Variants in FSTL1 observed in about 807,000 individuals in gnomAD.
The protein encoded by FSTL1 is follistatin-related protein 1.
Under a neutral mutation model 45.9 loss-of-function variants are expected in FSTL1, and 24 were observed. That is an observed-to-expected ratio of 0.52 (90% confidence interval 0.38 to 0.74). FSTL1 has a LOEUF of 0.74. FSTL1 is among the 30% of genes least tolerant of loss of function. The pLI is 0.00. For synonymous variants in FSTL1, 120 were observed against 137.6 expected (o/e 0.87, Z 0.89); for missense variants, 340 against 381.8 (o/e 0.89, Z 0.91).
intron 3 of FSTL1, among the ~76,000 whole-genome samples, chr3:120,412,834 G>GCGCGCA (rs1553702981): frequency 2.2e-4 from 17 of 77,514 alleles, no homozygotes; most frequent in Admixed American, 8.1e-4. Context: ...GCGCGCGCGC[G>GCGCGCA]CGCGCACACA....
chr3:120,429,690 C>T (rs1937443807), intron 2 of FSTL1, among the ~76,000 whole-genome samples: 1 of 152,196 alleles, frequency 6.6e-6, no homozygotes, highest in South Asian at 2.1e-4. Flanking sequence ...TGGGCATGAA[C>T]TGCCTTTTGT....
At chr3:120,397,499 C>T (rs1487983989) in intron 10 of FSTL1, among the ~76,000 whole-genome samples, 2 of 152,130 alleles carry the variant, frequency 1.3e-5, no homozygotes, top group South Asian at 2.1e-4. Flanking sequence ...GTGCCTGGCA[C>T]AAAATGGCCA....
rs773242568 is a variant in FSTL1, at chr3:120,444,961, TATGTAGTC to T, written c.63+5715_63+5722del. Among the ~76,000 whole-genome samples the T allele has an allele frequency of 6.9e-4, 104 of 150,066 alleles. No individual in the cohort carries two copies. The Middle Eastern group carries it at 0.014, about 20-fold the overall frequency. ...ATTTAACCCTTCTCCTACGGTTGAC[TATGTAGTC>T]AATGTTAAGTTTTTTGCTGTCATAA... On this transcript the variant is annotated intron_variant, in intron 2 of 10. Transcript: ENST00000295633.
At chr3:120,442,798 A>AG (rs1375365747) in intron 2 of FSTL1, among the ~76,000 whole-genome samples, 1 of 136,586 alleles carries the variant, frequency 7.3e-6, no homozygotes, top group Non-Finnish European at 1.5e-5. Flanking sequence ...GAAAAAAAAA[A>AG]AAAAAAAAAA....
chr3:120,403,920 C>CAAAAAA (rs34145564), intron 7 of FSTL1, among the ~76,000 whole-genome samples: 346 of 51,636 alleles, frequency 6.7e-3, no homozygotes, highest in Non-Finnish European at 9.0e-3. Context: ...GACTCCGTCT[C>CAAAAAA]AAAAAAAAAA....
intron 2 of FSTL1, among the ~76,000 whole-genome samples, chr3:120,446,286 G>A (rs998107868): frequency 1.6e-4 from 24 of 152,100 alleles, no homozygotes; most frequent in African/African-American, 5.3e-4. Flanking sequence ...ATTTCCTCTC[G>A]GATCATTACA....
At position 120,397,006 on chromosome 3, in the gene FSTL1, G is replaced by A; in HGVS notation, c.883-10C>T. The A allele has an allele frequency of 1.2e-6, 2 of 1,604,876 alleles. No homozygotes were observed. The highest frequency in any genetic ancestry group is 2.2e-5 in the East Asian group (1 of 44,846). On this transcript the variant is annotated splice_polypyrimidine_tract_variant and intron_variant, in intron 10 of 10. Coordinates refer to ENST00000295633, the MANE Select transcript of FSTL1 (RefSeq NM_007085.5). ...TCTTTTCAGCTGTTTCCTTTGAGATGCAAGAGAAAATAGGCGTCATGGAAA... is the reference window on the plus strand; with the variant it reads ...TCTTTTCAGCTGTTTCCTTTGAGATACAAGAGAAAATAGGCGTCATGGAAA...
At position 120,394,335 on chromosome 3, in the gene FSTL1, A is replaced by G. The variant is rs1936653361; in HGVS notation, c.*2617T>C. 6.6e-6 allele frequency: 1 copy of G among 152,248 alleles called. No homozygotes were observed. The highest frequency in any genetic ancestry group is 6.5e-5 in the Admixed American group (1 of 15,280). 9.4% of individuals were successfully genotyped at this position (152,248 alleles called of 1,614,324 possible). A position where few individuals can be genotyped will look rare whatever the true frequency, so the allele number is the denominator to read the frequency against. The stretch of plus-strand genomic sequence containing the variant: ...CCGAAAAGGAAGAATCAGGAGTTAC[A>G]AAAACAAGTTAAATGCAATATAGAA... On this transcript the variant is annotated 3_prime_UTR_variant, in exon 11 of 11. Transcript: ENST00000295633.
At chr3:120,412,078 T>C in intron 3 of FSTL1, 95 bp from the exon 4 acceptor site, 2 of 1,098,892 alleles carry the variant, frequency 1.8e-6, no homozygotes, top group Non-Finnish European at 2.7e-6. Context: ...CACAGAGCCA[T>C]TTTGTAAGGG....
intron 2 of FSTL1, among the ~76,000 whole-genome samples, chr3:120,421,907 T>C (rs1477094995): frequency 1.3e-5 from 2 of 152,174 alleles, no homozygotes; most frequent in Non-Finnish European, 2.9e-5. Context: ...TAAATGCAAA[T>C]TGGGTAAATG....
chr3:120,443,104 T>TA (rs200174345), intron 2 of FSTL1, among the ~76,000 whole-genome samples: 2,202 of 144,174 alleles, frequency 0.015, 139 homozygotes, highest in South Asian at 0.068. Context: ...AATAATAAAT[T>TA]AAAAAAAAAA....
rs1177702212 is a variant in FSTL1, at chr3:120,411,923, A to G, written c.229T>C (p.Cys77Arg). Reference sequence around the variant, plus strand: ...AGGCAGGCATCTCGATGCAGTTCACAGTGGTTGAGGTAGGTCTTGCCATTA... The same window carrying G: ...AGGCAGGCATCTCGATGCAGTTCACGGTGGTTGAGGTAGGTCTTGCCATTA... ...GSNGKTYLNH[C>R]ELHRDACLTG... The change falls in exon 4 of 11, where the codon TGT becomes CGT. Residue 77 changes from cysteine to arginine, a missense_variant. Coordinates refer to ENST00000295633, the MANE Select transcript of FSTL1 (RefSeq NM_007085.5). 2 of 1,613,458 alleles carry G rather than the reference A, an allele frequency of 1.2e-6. No homozygotes were observed. Among genetic ancestry groups the G allele is most frequent in the South Asian group, 1.1e-5 (1 of 91,070 alleles).
rs376206097 is a variant in FSTL1 at position 120,415,526 on chromosome 3, T to C, written c.168+397A>G. On this transcript the variant is annotated intron_variant, in intron 3 of 10. Coordinates refer to ENST00000295633, the MANE Select transcript of FSTL1 (RefSeq NM_007085.5). ...ATAGGGGGAACCATTATGTCTACAG[T>C]AGCATATAAACCCTATGCTTATAGT... Among the ~76,000 whole-genome samples the C allele has an allele frequency of 2.7e-3, 412 of 152,274 alleles. 1 individual carries two copies. The highest frequency in any genetic ancestry group is 9.6e-3 in the African/African-American group (400 of 41,540).
rs751186231 is a variant in FSTL1, at chr3:120,399,961, T to A, written c.806-2A>T. On this transcript the variant is annotated splice_acceptor_variant, in intron 9 of 10. Coordinates refer to ENST00000295633, the MANE Select transcript of FSTL1 (RefSeq NM_007085.5). LOFTEE classifies it high-confidence loss of function. ...TCTGGGCCCCCTTCTGATTCTTTCCTGCAAGAAGAACCAAAGCTCAGAGCA... is the reference window on the plus strand; with the variant it reads ...TCTGGGCCCCCTTCTGATTCTTTCCAGCAAGAAGAACCAAAGCTCAGAGCA... 6.2e-7 allele frequency: 1 copy of A among 1,601,740 alleles called. No homozygotes were observed. The highest frequency in any genetic ancestry group is 1.1e-5 in the South Asian group (1 of 89,046).
intron 2 of FSTL1, among the ~76,000 whole-genome samples, chr3:120,417,080 G>C (rs1002543722): frequency 6.6e-6 from 1 of 152,130 alleles, no homozygotes; most frequent in Non-Finnish European, 1.5e-5. Flanking sequence ...CAGACTCAAG[G>C]CTACTGGGCT....
At chr3:120,418,970 CAGA>C (rs1937233917) in intron 2 of FSTL1, 1 of 152,160 alleles carries the variant, frequency 6.6e-6, no homozygotes, top group South Asian at 2.1e-4. Flanking sequence ...TAATAGAGAA[CAGA>C]AGGACTCACT....
intron 2 of FSTL1, among the ~76,000 whole-genome samples, chr3:120,425,111 C>T (rs1937354304): frequency 6.6e-6 from 1 of 152,092 alleles, no homozygotes; most frequent in African/African-American, 2.4e-5. Flanking sequence ...CCTTTCTCTC[C>T]AGGAGATGCA....
At chr3:120,444,570 A>G (rs1001350207) in intron 2 of FSTL1, among the ~76,000 whole-genome samples, 5 of 149,878 alleles carry the variant, frequency 3.3e-5, no homozygotes, top group Admixed American at 2.6e-4. Context: ...GTGCCTTGAC[A>G]TCGTGACGAT....
chr3:120,413,814 T>C (rs1576214805), intron 3 of FSTL1, among the ~76,000 whole-genome samples: 10 of 30,620 alleles, frequency 3.3e-4, no homozygotes, highest in Admixed American at 1.0e-3. Flanking sequence ...CCTCTCCCTC[T>C]CTTTCCACGG....
Sources: allele counts gnomAD v4.1 joint callset (sites outside exome capture counted in the v4.1 genomes callset), GRCh38; gene constraint gnomAD v4.1.1; transcripts MANE v1.5; gene names NCBI Gene and HGNC (gene_info 2026-07-23, HGNC 2026-07-21).